Variants in FBXO8 observed in about 807,000 individuals in gnomAD.
FBXO8 encodes the protein F-box protein 8.
In FBXO8, 15 loss-of-function variants were observed where a neutral mutation model predicts 33.4. The observed-to-expected ratio is 0.45, with a 90% CI of 0.30 to 0.69. The LOEUF is 0.69. Among genes scored for constraint, FBXO8 ranks in the 30% least tolerant of loss-of-function variants. The probability of loss-of-function intolerance (pLI) is 0.08; values close to 1 mark genes in which losing one functional copy is unlikely to be tolerated. For synonymous variants in FBXO8, 132 were observed against 131.5 expected, an observed-to-expected ratio of 1.00 and a Z score of -0.02; for missense variants, 274 against 380.3, an observed-to-expected ratio of 0.72 and a Z score of 2.32.
Position 174,252,577 on chromosome 4 carries a change from T to C in FBXO8, c.456+7122A>G, listed in dbSNP as rs1239855618. On this transcript the variant is annotated intron_variant, in intron 3 of 5. Transcript: ENST00000393674. This position sits in a 1 kb window ranked among gnomAD's most constrained non-coding sequence, Gnocchi z 5.1. ...CTCATGGCTACCAGATGGCTGCACA[T>C]GGTCATGCCATTATATTCTCACATA... is the stretch of plus-strand genomic sequence containing the variant. Among the ~76,000 whole-genome samples the C allele has an allele frequency of 1.3e-5, 2 of 152,106 alleles. No homozygotes were observed. Among genetic ancestry groups the C allele is most frequent in the Non-Finnish European group, 2.9e-5 (2 of 68,022 alleles).
At position 174,253,952 on chromosome 4, in the gene FBXO8, A is replaced by G. The variant is rs986268000; in HGVS notation, c.456+5747T>C. On this transcript the variant is annotated intron_variant, in intron 3 of 5. Coordinates refer to ENST00000393674, the MANE Select transcript of FBXO8 (RefSeq NM_012180.3). The surrounding 1 kb of genome is among the most constrained non-coding windows in gnomAD (Gnocchi z 4.5). ...GGTGAAAGTCAACACACTCAGGTCC[A>G]TCAAGAGATCATCATCTCACTAAAG... 1.3e-5 allele frequency among the ~76,000 whole-genome samples: 2 copies of G among 152,178 alleles called. No homozygotes were observed. Among genetic ancestry groups the G allele is most frequent in the African/African-American group, 4.8e-5 (2 of 41,442 alleles).
intron 1 of FBXO8, among the ~76,000 whole-genome samples, chr4:174,276,450 C>A (rs1736962167): frequency 1.3e-5 from 2 of 152,256 alleles, no homozygotes; most frequent in South Asian, 2.1e-4. Flanking sequence ...ATTGGCCAGG[C>A]TGGTCTTGAA....
At chr4:174,268,565 T>TA (rs1236048328) in intron 1 of FBXO8, among the ~76,000 whole-genome samples, 55 of 151,902 alleles carry the variant, frequency 3.6e-4, no homozygotes, top group African/African-American at 1.2e-3. Flanking sequence ...GCCTCCAGAG[T>TA]GCTGGGACTA....
rs1735919541 is a variant in FBXO8 at position 174,237,713 on chromosome 4, A to T, written c.773-114T>A. 2.2e-6 allele frequency: 2 copies of T among 902,442 alleles called. No individual in the cohort carries two copies. Among genetic ancestry groups the T allele is most frequent in the East Asian group, 5.3e-5 (2 of 37,500 alleles). The allele number at this position is 902,442 out of a possible 1,614,324, so 55.9% of individuals were successfully genotyped here. On this transcript the variant is annotated intron_variant, in intron 5 of 5. Coordinates refer to ENST00000393674, the MANE Select transcript of FBXO8 (RefSeq NM_012180.3). The surrounding 1 kb of genome is among the most constrained non-coding windows in gnomAD (Gnocchi z 4.4). ...TTCAAGATATCAAGATTAGCTCATA[A>T]ATACAGAGTGACCAATCCATCCCAG...
In FBXO8 at chr4:174,271,044, A is replaced by C. The variant is rs1579036563; in HGVS notation, c.-8-7944T>G. On this transcript the variant is annotated intron_variant, in intron 1 of 5. Coordinates refer to ENST00000393674, the MANE Select transcript of FBXO8 (RefSeq NM_012180.3). ...TGGAACTTTTTTGGAAAAAAATCTCAACCTTGGTTGTATTCTTGTAAGATG... is the reference window on the plus strand; with the variant it reads ...TGGAACTTTTTTGGAAAAAAATCTCCACCTTGGTTGTATTCTTGTAAGATG... 2.6e-5 allele frequency among the ~76,000 whole-genome samples: 4 copies of C among 152,306 alleles called. No homozygotes were observed. The Middle Eastern group carries it at 0.014, about 518-fold the overall frequency.
In FBXO8 at chr4:174,278,737, TG is replaced by T. The variant is rs1371168778; in HGVS notation, c.-9+4672del. On this transcript the variant is annotated intron_variant, in intron 1 of 5. Transcript: ENST00000393674. The surrounding 1 kb of genome is among the most constrained non-coding windows in gnomAD (Gnocchi z 4.1). ...ACAAAGGCCATTGCTATGAGTGCTATGGAATTAAAAACCAAAACAAAAGTCA... is the reference window on the plus strand; with the variant it reads ...ACAAAGGCCATTGCTATGAGTGCTATGAATTAAAAACCAAAACAAAAGTCA... Among the ~76,000 whole-genome samples the T allele has an allele frequency of 6.6e-6, 1 of 152,048 alleles. No individual in the cohort carries two copies. Among genetic ancestry groups the T allele is most frequent in the African/African-American group, 2.4e-5 (1 of 41,446 alleles).
Position 174,256,946 on chromosome 4 carries a change from A to G in FBXO8, c.456+2753T>C, listed in dbSNP as rs535131494. Among the ~76,000 whole-genome samples, 4 of 152,262 alleles carry G rather than the reference A, an allele frequency of 2.6e-5. No individual in the cohort carries two copies. The highest frequency in any genetic ancestry group is 1.9e-4 in the East Asian group (1 of 5,184). ...AAAAAGAAAATACAGCCAACTCTCA[A>G]TAACAATGGAAGGTAGGATAGATAA... On this transcript the variant is annotated intron_variant, in intron 3 of 5. Coordinates refer to ENST00000393674, the MANE Select transcript of FBXO8 (RefSeq NM_012180.3). The surrounding 1 kb of genome is among the most constrained non-coding windows in gnomAD (Gnocchi z 4.6).
At position 174,262,716 on chromosome 4, in the gene FBXO8, G is replaced by T; in HGVS notation, c.329+48C>A. 1 of 1,484,554 alleles carries T rather than the reference G, an allele frequency of 6.7e-7. No individual in the cohort carries two copies. The highest frequency in any genetic ancestry group is 9.3e-7 in the Non-Finnish European group (1 of 1,072,058). 92.0% of individuals were successfully genotyped at this position (1,484,554 alleles called of 1,614,324 possible). ...CATTATAAAAAGAACATTGAAGCAT[G>T]ATTATGTTTAGAGATACCTGAATTC... On this transcript the variant is annotated intron_variant, in intron 2 of 5. Transcript: ENST00000393674. This position sits in a 1 kb window ranked among gnomAD's most constrained non-coding sequence, Gnocchi z 4.6.
Position 174,283,612 on chromosome 4 carries a change from T to C in FBXO8, c.-211A>G. ...TACGACCCTCAGAACTCAGGGTACCTCCAGCTGCAGGGGCCAGAACTGCCG... is the reference window on the plus strand; with the variant it reads ...TACGACCCTCAGAACTCAGGGTACCCCCAGCTGCAGGGGCCAGAACTGCCG... On this transcript the variant is annotated 5_prime_UTR_variant, in exon 1 of 6. Coordinates refer to ENST00000393674, the MANE Select transcript of FBXO8 (RefSeq NM_012180.3). The surrounding 1 kb of genome is among the most constrained non-coding windows in gnomAD (Gnocchi z 6.7). The C allele has an allele frequency of 3.0e-6, 1 of 332,956 alleles. No individual in the cohort carries two copies. Among genetic ancestry groups the C allele is most frequent in the Non-Finnish European group, 5.4e-6 (1 of 185,456 alleles). 20.6% of individuals were successfully genotyped at this position (332,956 alleles called of 1,614,324 possible). A position where few individuals can be genotyped will look rare whatever the true frequency, so the allele number is the denominator to read the frequency against.
intron 3 of FBXO8, among the ~76,000 whole-genome samples, chr4:174,246,671 T>C (rs1736165751): frequency 6.6e-6 from 1 of 151,856 alleles, no homozygotes; most frequent in Admixed American, 6.6e-5. Flanking sequence ...AAAAGACTGA[T>C]GTGCGGGAGA....
Position 174,237,349 on chromosome 4 carries a change from T to C in FBXO8, c.*63A>G. ...GACCAGCACTGATGTAACCCCCATA[T>C]CTGCTAAGTCCTTGGGTAGCTTTAG... is the stretch of plus-strand genomic sequence containing the variant. On this transcript the variant is annotated 3_prime_UTR_variant, in exon 6 of 6. Coordinates refer to ENST00000393674, the MANE Select transcript of FBXO8 (RefSeq NM_012180.3). This position sits in a 1 kb window ranked among gnomAD's most constrained non-coding sequence, Gnocchi z 4.4. The C allele has an allele frequency of 7.0e-7, 1 of 1,419,132 alleles. No individual in the cohort carries two copies. The highest frequency in any genetic ancestry group is 9.8e-7 in the Non-Finnish European group (1 of 1,024,830). The allele number at this position is 1,419,132 out of a possible 1,614,324, so 87.9% of individuals were successfully genotyped here.
intron 3 of FBXO8, among the ~76,000 whole-genome samples, chr4:174,258,470 A>C (rs1736466860): frequency 6.6e-6 from 1 of 152,186 alleles, no homozygotes; most frequent in South Asian, 2.1e-4. Flanking sequence ...TAATTTCATT[A>C]AGGTATCAGT....
chr4:174,260,926 A>C (rs1264825973), intron 2 of FBXO8, among the ~76,000 whole-genome samples: 1 of 152,108 alleles, frequency 6.6e-6, no homozygotes, highest in East Asian at 1.9e-4. Flanking sequence ...TTTCTGCCTC[A>C]GATTTCCTTC....
Position 174,275,162 on chromosome 4 carries a change from G to A in FBXO8, c.-9+8248C>T, listed in dbSNP as rs990403675. ...ATATAAACACACGTTTCATGAAAGA[G>A]GATATACAAATGGCAAATAAGCACA... On this transcript the variant is annotated intron_variant, in intron 1 of 5. Coordinates refer to ENST00000393674, the MANE Select transcript of FBXO8 (RefSeq NM_012180.3). This position sits in a 1 kb window ranked among gnomAD's most constrained non-coding sequence, Gnocchi z 4.4. Among the ~76,000 whole-genome samples the A allele has an allele frequency of 9.2e-5, 14 of 152,126 alleles. No homozygotes were observed. The highest frequency in any genetic ancestry group is 3.4e-4 in the African/African-American group (14 of 41,414).
In FBXO8 at chr4:174,251,940, T is replaced by C. The variant is rs111304359; in HGVS notation, c.456+7759A>G. ...CCTGATTAAATTCCCTTCAGCAAAT[T>C]TGGAGATAAATTGATCTGCTACTGA... On this transcript the variant is annotated intron_variant, in intron 3 of 5. Coordinates refer to ENST00000393674, the MANE Select transcript of FBXO8 (RefSeq NM_012180.3). This position sits in a 1 kb window ranked among gnomAD's most constrained non-coding sequence, Gnocchi z 4.2. Among the ~76,000 whole-genome samples, 6 of 152,156 alleles carry C rather than the reference T, an allele frequency of 3.9e-5. No individual in the cohort carries two copies. Among genetic ancestry groups the C allele is most frequent in the African/African-American group, 1.2e-4 (5 of 41,478 alleles).
Position 174,274,027 on chromosome 4 carries a change from A to G in FBXO8, c.-9+9383T>C, listed in dbSNP as rs111394909. On this transcript the variant is annotated intron_variant, in intron 1 of 5. Transcript: ENST00000393674. The surrounding 1 kb of genome is among the most constrained non-coding windows in gnomAD (Gnocchi z 4.0). ...TCCAAAGCTTTTATTCTTAACCCAC[A>G]AACCATATTCCCAGAACCGCTGGAG... Among the ~76,000 whole-genome samples, 318 of 152,298 alleles carry G rather than the reference A, an allele frequency of 2.1e-3. 2 individuals are homozygous for G. The highest frequency in any genetic ancestry group is 7.3e-3 in the African/African-American group (305 of 41,562).
In FBXO8 at chr4:174,256,474, GTA is replaced by G. The variant is rs1394713522; in HGVS notation, c.456+3223_456+3224del. 6.6e-6 allele frequency among the ~76,000 whole-genome samples: 1 copy of G among 152,134 alleles called. No homozygotes were observed. Among genetic ancestry groups the G allele is most frequent in the East Asian group, 1.9e-4 (1 of 5,188 alleles). ...AGAGTCATTCTAAAGTCTGGCTAAA[GTA>G]TGACTCATACAGATAAGTGCTATAT... On this transcript the variant is annotated intron_variant, in intron 3 of 5. Transcript: ENST00000393674. This position sits in a 1 kb window ranked among gnomAD's most constrained non-coding sequence, Gnocchi z 4.6.
Position 174,259,576 on chromosome 4 carries a change from C to T in FBXO8, c.456+123G>A. 7.9e-7 allele frequency: 1 copy of T among 1,259,418 alleles called. No individual in the cohort carries two copies. The highest frequency in any genetic ancestry group is 2.5e-5 in the Admixed American group (1 of 40,390). The allele number at this position is 1,259,418 out of a possible 1,614,324, so 78.0% of individuals were successfully genotyped here. On this transcript the variant is annotated intron_variant, in intron 3 of 5. Transcript: ENST00000393674. The surrounding 1 kb of genome is among the most constrained non-coding windows in gnomAD (Gnocchi z 4.3). ...AGCAATAGTTTAAAATATTGGTTTT[C>T]TCAGTGATCAAAAAAGCATGTTCAA...
In FBXO8 at chr4:174,237,603, G is replaced by A; in HGVS notation, c.773-4C>T. 2 of 1,580,406 alleles carry A rather than the reference G, an allele frequency of 1.3e-6. No homozygotes were observed. The highest frequency in any genetic ancestry group is 2.3e-5 in the East Asian group (1 of 44,210). Reference sequence around the variant, plus strand: ...TAGCACAGTACATAGACAGCATCTGGAAAGAAAAAGAAACAGTTCAAATTA... The same window carrying A: ...TAGCACAGTACATAGACAGCATCTGAAAAGAAAAAGAAACAGTTCAAATTA... On this transcript the variant is annotated splice_region_variant and splice_polypyrimidine_tract_variant and intron_variant, in intron 5 of 5. Transcript: ENST00000393674. This position sits in a 1 kb window ranked among gnomAD's most constrained non-coding sequence, Gnocchi z 4.4.
Sources: allele counts gnomAD v4.1 joint callset (sites outside exome capture counted in the v4.1 genomes callset), GRCh38; gene constraint gnomAD v4.1.1; non-coding constraint Gnocchi (gnomAD v3.1); transcripts MANE v1.5; gene names NCBI Gene and HGNC (gene_info 2026-07-23, HGNC 2026-07-21).